The following PCDHGB4 variants were observed in gnomAD, a reference collection of about 807,000 sequenced individuals.
The protein encoded by PCDHGB4 is protocadherin gamma-B4.
In PCDHGB4, 38 loss-of-function variants were observed where a neutral mutation model predicts 60.5. The observed-to-expected ratio is 0.63, with a 90% CI of 0.48 to 0.82. The LOEUF (loss-of-function observed/expected upper bound fraction) is 0.82, where lower values mean the gene tolerates loss of function less well. Among genes scored for constraint, PCDHGB4 ranks in the 40% least tolerant of loss-of-function variants. PCDHGB4 has a pLI of 0.00. For synonymous variants in PCDHGB4, 456 were observed against 509.7 expected (o/e 0.89, Z 1.42); for missense variants, 1,109 against 1,209.6 (o/e 0.92, Z 1.23).
chr5:141,432,094 C>G lies in PCDHGB4; in HGVS notation c.2397+41813C>G. On this transcript the variant is annotated intron_variant, in intron 1 of 3. Transcript: ENST00000519479. This position sits in a 1 kb window ranked among gnomAD's most constrained non-coding sequence, Gnocchi z 6.0. ...ATATCTCGCTGAACGTGGCAGACAC[C>G]AACGACAACCCGCCGGTCTTCCCTC... The G allele has an allele frequency of 6.2e-7, 1 of 1,614,178 alleles. No homozygotes were observed. The highest frequency in any genetic ancestry group is 8.5e-7 in the Non-Finnish European group (1 of 1,180,046).
intron 3 of PCDHGB4, among the ~76,000 whole-genome samples, chr5:141,510,657 G>A (rs1388054630): frequency 6.6e-6 from 1 of 152,156 alleles, no homozygotes; most frequent in Non-Finnish European, 1.5e-5. Context: ...CCATTTTGCA[G>A]ATGAGAAAAC....
In PCDHGB4 at chr5:141,477,486, C is replaced by T. The variant is rs1472326209; in HGVS notation, c.2398-17321C>T. On this transcript the variant is annotated intron_variant, in intron 1 of 3. Coordinates refer to ENST00000519479, the MANE Select transcript of PCDHGB4 (RefSeq NM_003736.4). This position sits in a 1 kb window ranked among gnomAD's most constrained non-coding sequence, Gnocchi z 4.9. ...GACATCAATGACAACCCTCCACAATCTTCTCAATCTTCCTACGACGTTTAC... is the reference window on the plus strand; with the variant it reads ...GACATCAATGACAACCCTCCACAATTTTCTCAATCTTCCTACGACGTTTAC... 6.2e-7 allele frequency: 1 copy of T among 1,614,052 alleles called. No individual in the cohort carries two copies. The highest frequency in any genetic ancestry group is 1.3e-5 in the African/African-American group (1 of 74,914).
chr5:141,496,440 A>G (rs2099768848), intron 2 of PCDHGB4, among the ~76,000 whole-genome samples: 1 of 152,158 alleles, frequency 6.6e-6, no homozygotes, highest in South Asian at 2.1e-4. Flanking sequence ...AAGTTGCTAC[A>G]GATGCTGAGC....
chr5:141,491,714 C>A lies in PCDHGB4; in HGVS notation c.2398-3093C>A, dbSNP rs1321811999. On this transcript the variant is annotated intron_variant, in intron 1 of 3. Transcript: ENST00000519479. The surrounding 1 kb of genome is among the most constrained non-coding windows in gnomAD (Gnocchi z 6.9). ...GAGCGGAGCCAGGTGAGGGGCTCGG[C>A]GCCGCCCCGGGCGACCCCTGGGGGC... 2 of 1,608,742 alleles carry A rather than the reference C, an allele frequency of 1.2e-6. No individual in the cohort carries two copies. The highest frequency in any genetic ancestry group is 1.7e-6 in the Non-Finnish European group (2 of 1,177,914).
At chr5:141,504,738 C>G (rs2099840693) in intron 2 of PCDHGB4, among the ~76,000 whole-genome samples, 1 of 151,874 alleles carries the variant, frequency 6.6e-6, no homozygotes, top group Non-Finnish European at 1.5e-5. Flanking sequence ...GCTTAGGAAG[C>G]CATTGAATTT....
intron 3 of PCDHGB4, among the ~76,000 whole-genome samples, chr5:141,510,194 G>T (rs920127442): frequency 6.6e-6 from 1 of 151,462 alleles, no homozygotes. Context: ...AATCACTTGA[G>T]CCCAGGAGGC....
chr5:141,409,459 T>A lies in PCDHGB4; in HGVS notation c.2397+19178T>A, dbSNP rs139792503. 3.7e-6 allele frequency: 6 copies of A among 1,613,832 alleles called. 1 individual carries two copies. The highest frequency in any genetic ancestry group is 3.3e-4 in the Middle Eastern group (2 of 6,084). ...ACCGAGAGCAGACACCAGAATACAATGTCACCATCGTAGCCACTGACAGGG... is the reference window on the plus strand; with the variant it reads ...ACCGAGAGCAGACACCAGAATACAAAGTCACCATCGTAGCCACTGACAGGG... On this transcript the variant is annotated intron_variant, in intron 1 of 3. Transcript: ENST00000519479.
At chr5:141,394,158 C>T in intron 1 of PCDHGB4, 1 of 1,613,844 alleles carries the variant, frequency 6.2e-7, no homozygotes, top group East Asian at 2.2e-5. Flanking sequence ...TAACGACAAC[C>T]CTCCTACTTT....
chr5:141,400,694 C>G, intron 1 of PCDHGB4: 2 of 763,776 alleles, frequency 2.6e-6, no homozygotes, highest in Non-Finnish European at 4.2e-6. Flanking sequence ...GTTTTTATGT[C>G]GCATAAAAGA....
chr5:141,418,985 T>C, intron 1 of PCDHGB4: 1 of 1,613,882 alleles, frequency 6.2e-7, no homozygotes, highest in Non-Finnish European at 8.5e-7. Context: ...GGACCAAGAC[T>C]CAGGGGAAAA....
chr5:141,507,365 C>G (rs1279257057), intron 3 of PCDHGB4: 1 of 152,092 alleles, frequency 6.6e-6, no homozygotes, highest in African/African-American at 2.4e-5. Context: ...ACTGGGAGCC[C>G]TGTACTTTTA....
Position 141,491,300 on chromosome 5 carries a change from G to T in PCDHGB4, c.2398-3507G>T. On this transcript the variant is annotated intron_variant, in intron 1 of 3. Coordinates refer to ENST00000519479, the MANE Select transcript of PCDHGB4 (RefSeq NM_003736.4). The surrounding 1 kb of genome is among the most constrained non-coding windows in gnomAD (Gnocchi z 6.9). Reference sequence around the variant, plus strand: ...GACTTCCTCATACACCCTCCTGAGCGTTCAGACCTTACCCTTTACCTCATT... The same window carrying T: ...GACTTCCTCATACACCCTCCTGAGCTTTCAGACCTTACCCTTTACCTCATT... The T allele has an allele frequency of 6.2e-7, 1 of 1,614,136 alleles. No homozygotes were observed. The highest frequency in any genetic ancestry group is 8.5e-7 in the Non-Finnish European group (1 of 1,179,962).
intron 1 of PCDHGB4, chr5:141,418,673 G>A (rs2096279740): frequency 5.0e-6 from 8 of 1,614,026 alleles, no homozygotes; most frequent in Non-Finnish European, 6.8e-6. Context: ...CCAGGACGAG[G>A]GCATCAACTC....
chr5:141,398,111 T>C, intron 1 of PCDHGB4: 1 of 1,594,080 alleles, frequency 6.3e-7, no homozygotes, highest in East Asian at 2.2e-5. Context: ...GTGAGCAAGC[T>C]GAGGAGAGCA....
At chr5:141,413,740 C>A in intron 1 of PCDHGB4, 2 of 1,613,402 alleles carry the variant, frequency 1.2e-6, no homozygotes, top group Non-Finnish European at 1.7e-6. Flanking sequence ...AGTTCAGAGC[C>A]GTGCCAATGG....
intron 3 of PCDHGB4, among the ~76,000 whole-genome samples, chr5:141,510,553 A>G (rs1471878583): frequency 6.6e-6 from 1 of 152,162 alleles, no homozygotes; most frequent in Non-Finnish European, 1.5e-5. Context: ...TGTTTTGAGC[A>G]CTTACATCTA....
At chr5:141,501,290 TACACACACACACACACAC>T (rs55762287) in intron 2 of PCDHGB4, among the ~76,000 whole-genome samples, 6 of 136,162 alleles carry the variant, frequency 4.4e-5, no homozygotes, top group South Asian at 2.4e-4. Flanking sequence ...TATTCCCTTA[TACACACACACACACACAC>T]ACACACACAC....
rs1328476453 is a variant in PCDHGB4, at chr5:141,431,444, C to T, written c.2397+41163C>T. 4.3e-6 allele frequency: 7 copies of T among 1,613,732 alleles called. No homozygotes were observed. The highest frequency in any genetic ancestry group is 5.9e-6 in the Non-Finnish European group (7 of 1,180,022). On this transcript the variant is annotated intron_variant, in intron 1 of 3. Transcript: ENST00000519479. The surrounding 1 kb of genome is among the most constrained non-coding windows in gnomAD (Gnocchi z 4.8). ...GGTGCGCACAGGCACCGCGCGCATCCGCGTGATGGTTCTGGATGCGAACGA... is the reference window on the plus strand; with the variant it reads ...GGTGCGCACAGGCACCGCGCGCATCTGCGTGATGGTTCTGGATGCGAACGA...
intron 1 of PCDHGB4, chr5:141,408,283 C>A: frequency 6.2e-7 from 1 of 1,612,756 alleles, no homozygotes; most frequent in Non-Finnish European, 8.5e-7. Context: ...TGTTCTACCC[C>A]ACCCTGAGTG....
Sources: gnomAD v4.1 joint callset for allele counts (sites outside exome capture counted in the v4.1 genomes callset) on GRCh38, gnomAD v4.1.1 for gene constraint, Gnocchi (gnomAD v3.1) non-coding constraint, MANE v1.5 for transcripts, NCBI Gene and HGNC (gene_info 2026-07-23, HGNC 2026-07-21) for gene names.